INSR: variants seen among roughly 807,000 people sequenced by gnomAD.
INSR encodes the protein insulin receptor, also known as IR.
A neutral mutation model predicts 142.6 loss-of-function variants in INSR; 67 were observed. The ratio of observed to expected loss-of-function variants is 0.47; its 90% confidence interval spans 0.39 to 0.58. The LOEUF is 0.58. Among genes scored for constraint, INSR ranks in the 20% least tolerant of loss-of-function variants. INSR has a pLI of 0.00. For synonymous variants in INSR, 756 were observed against 743.1 expected (o/e 1.02, Z -0.28); for missense variants, 1,248 against 1,833.2 (o/e 0.68, Z 5.83).
intron 1 of INSR, among the ~76,000 whole-genome samples, chr19:7,285,287 C>T (rs1179204405): frequency 2.0e-5 from 3 of 151,870 alleles, no homozygotes; most frequent in Non-Finnish European, 4.4e-5. Context: ...CCCATCTCTA[C>T]TAAAAATAAA....
At position 7,171,917 on chromosome 19, in the gene INSR, C is replaced by CTTT. The variant is rs375076576; in HGVS notation, c.1268+370_1268+372dup. ...ATCCTTAAGTTTTTCCTTTTCTTTT[C>CTTT]TTTTTTTTTTTTTGGACAGAGTCTC... On this transcript the variant is annotated intron_variant, in intron 5 of 21. Transcript: ENST00000302850. Among the ~76,000 whole-genome samples the CTTT allele has an allele frequency of 1.1e-3, 151 of 137,574 alleles. 1 individual carries two copies. The highest frequency in any genetic ancestry group is 2.5e-3 in the African/African-American group (90 of 36,576). The allele number at this position is 137,574 out of a possible 152,430, so 90.3% of individuals were successfully genotyped here. A position where few individuals can be genotyped will look rare whatever the true frequency, so the allele number is the denominator to read the frequency against.
intron 13 of INSR, among the ~76,000 whole-genome samples, chr19:7,135,662 C>T (rs1294387442): frequency 6.7e-6 from 1 of 149,670 alleles, no homozygotes; most frequent in African/African-American, 2.5e-5. Context: ...ATGAAACTAG[C>T]AAAAGAAAAA....
chr19:7,157,670 G>A (rs1238596599), intron 9 of INSR, among the ~76,000 whole-genome samples: 1 of 152,012 alleles, frequency 6.6e-6, no homozygotes, highest in South Asian at 2.1e-4. Flanking sequence ...TACAGCCACT[G>A]AGATGGACGG....
intron 2 of INSR, among the ~76,000 whole-genome samples, chr19:7,249,563 C>T (rs982497357): frequency 1.3e-5 from 2 of 152,100 alleles, no homozygotes; most frequent in African/African-American, 4.8e-5. Flanking sequence ...TTAGTCTGGC[C>T]CATTTTTAAA....
At chr19:7,156,961 T>TTTTG (rs760923653) in intron 9 of INSR, among the ~76,000 whole-genome samples, 5 of 137,830 alleles carry the variant, frequency 3.6e-5, no homozygotes, top group African/African-American at 8.1e-5. Flanking sequence ...CTGGCTAATT[T>TTTTG]TTTGTTTGTT....
chr19:7,248,236 C>T (rs1976594611), intron 2 of INSR, among the ~76,000 whole-genome samples: 1 of 151,102 alleles, frequency 6.6e-6, no homozygotes, highest in South Asian at 2.1e-4. Flanking sequence ...GCCTCAACCT[C>T]CCAGGCTCAA....
chr19:7,160,041 G>C (rs1291160001), intron 9 of INSR, among the ~76,000 whole-genome samples: 1 of 152,156 alleles, frequency 6.6e-6, no homozygotes, highest in Non-Finnish European at 1.5e-5. Flanking sequence ...GCTCAGGTCT[G>C]TAATACCAGC....
intron 13 of INSR, among the ~76,000 whole-genome samples, chr19:7,132,704 G>A (rs547362477): frequency 1.1e-4 from 16 of 151,350 alleles, no homozygotes; most frequent in African/African-American, 3.6e-4. Context: ...TGATTCTCCT[G>A]CCTCAGCCTC....
chr19:7,268,489 G>T, intron 1 of INSR: 4 of 985,100 alleles, frequency 4.1e-6, no homozygotes, highest in Non-Finnish European at 4.8e-6. Context: ...TCCTGAAGGC[G>T]GTCCCTCCCA....
chr19:7,275,647 G>A (rs1600121696), intron 1 of INSR, among the ~76,000 whole-genome samples: 1 of 151,778 alleles, frequency 6.6e-6, no homozygotes, highest in South Asian at 2.1e-4. Context: ...GCGGGGTCGG[G>A]GGAGTGGCGC....
chr19:7,123,532 C>T (rs1221120757), intron 17 of INSR, among the ~76,000 whole-genome samples: 1 of 152,130 alleles, frequency 6.6e-6, no homozygotes, highest in Non-Finnish European at 1.5e-5. Context: ...GGCCCAGCTC[C>T]TCATGTCCTC....
chr19:7,136,125 G>A (rs190969110), intron 13 of INSR, among the ~76,000 whole-genome samples: 1 of 152,142 alleles, frequency 6.6e-6, no homozygotes, highest in Admixed American at 6.5e-5. Context: ...CACGCTCGTG[G>A]GCATGAAGTG....
chr19:7,112,717 T>G lies in INSR; in HGVS notation c.*4339A>C, dbSNP rs528814266. The stretch of plus-strand genomic sequence containing the variant: ...TTTGGCTGGTGGCTGGTTCTGGACC[T>G]TGACTAGTATCAGAAGGTAAAAGTA... On this transcript the variant is annotated 3_prime_UTR_variant, in exon 22 of 22. Transcript: ENST00000302850. The G allele has an allele frequency of 1.3e-5, 2 of 152,096 alleles. No homozygotes were observed. The highest frequency in any genetic ancestry group is 2.9e-5 in the Non-Finnish European group (2 of 68,006). 9.4% of individuals were successfully genotyped at this position (152,096 alleles called of 1,614,324 possible).
chr19:7,193,780 C>A (rs371967822), intron 2 of INSR, among the ~76,000 whole-genome samples: 6 of 152,076 alleles, frequency 3.9e-5, no homozygotes, highest in African/African-American at 1.4e-4. Context: ...ACCTCCGCCT[C>A]CCAGGTTCAA....
chr19:7,169,271 G>A (rs780662159), intron 6 of INSR, among the ~76,000 whole-genome samples: 1 of 152,046 alleles, frequency 6.6e-6, no homozygotes, highest in Non-Finnish European at 1.5e-5. Context: ...ACACGCTATT[G>A]TCAAAAGGCT....
intron 2 of INSR, among the ~76,000 whole-genome samples, chr19:7,204,995 A>T (rs1229271310): frequency 7.8e-6 from 1 of 127,996 alleles, no homozygotes; most frequent in Non-Finnish European, 1.8e-5. Context: ...GAGGCAGGAG[A>T]ATCGCTTGAA....
chr19:7,169,265 G>T (rs6510956), intron 6 of INSR, among the ~76,000 whole-genome samples: 36,480 of 151,430 alleles, frequency 0.24, 4,529 homozygotes, highest in Middle Eastern at 0.3. Context: ...TCAGACACAC[G>T]CTATTGTCAA....
intron 2 of INSR, among the ~76,000 whole-genome samples, chr19:7,226,180 G>A (rs917388192): frequency 6.6e-6 from 1 of 152,140 alleles, no homozygotes; most frequent in Non-Finnish European, 1.5e-5. Flanking sequence ...GGCCGAGGTG[G>A]GAGGATCACG....
chr19:7,144,329 A>G (rs1481187002), intron 11 of INSR, among the ~76,000 whole-genome samples: 2 of 152,126 alleles, frequency 1.3e-5, no homozygotes, highest in African/African-American at 4.8e-5. Flanking sequence ...CCCTGCAGAA[A>G]ACTTGGAAAA....
Sources: allele counts gnomAD v4.1 joint callset (sites outside exome capture counted in the v4.1 genomes callset), GRCh38; gene constraint gnomAD v4.1.1; transcripts MANE v1.5; gene names NCBI Gene and HGNC (gene_info 2026-07-23, HGNC 2026-07-21).